Variants in IL1RAPL1 observed in about 807,000 individuals in gnomAD.
IL1RAPL1 encodes the protein interleukin-1 receptor accessory protein-like 1.
Under a neutral mutation model 48.4 loss-of-function variants are expected in IL1RAPL1, and 3 were observed. The observed-to-expected ratio is 0.06, with a 90% CI of 0.03 to 0.16. The LOEUF (loss-of-function observed/expected upper bound fraction) is 0.16, where lower values mean the gene tolerates loss of function less well. Ranked by LOEUF, IL1RAPL1 falls within the 10% of genes least tolerant of loss-of-function variation. The probability of loss-of-function intolerance (pLI) is 1.00; values close to 1 mark genes in which losing one functional copy is unlikely to be tolerated. For missense variants in IL1RAPL1, 349 were observed against 530.6 expected, an observed-to-expected ratio of 0.66 and a Z score of 3.36; for synonymous variants, 185 against 187.7, an observed-to-expected ratio of 0.99 and a Z score of 0.12.
chrX:28,806,948 C>T (rs1404655597), intron 2 of IL1RAPL1, among the ~76,000 whole-genome samples: 2 of 111,142 alleles, frequency 1.8e-5, no homozygotes, highest in African/African-American at 3.3e-5. Context: ...CCTCTCAAAG[C>T]ATGTTCTGAA....
Position 28,597,540 on chromosome X carries a change from T to C in IL1RAPL1, c.-25+9493T>C, listed in dbSNP as rs56688703. The stretch of plus-strand genomic sequence containing the variant: ...GGAGGTCAGGAGTTCGAGACCAGCC[T>C]GACCAGCATGGTGAAACCCCGTCTC... On this transcript the variant is annotated intron_variant, in intron 1 of 10. Transcript: ENST00000378993. 8.1e-3 allele frequency among the ~76,000 whole-genome samples: 900 copies of C among 110,967 alleles called. 8 individuals are homozygous for C. The highest frequency in any genetic ancestry group is 0.032 in the Middle Eastern group (7 of 216).
chrX:29,030,465 C>T (rs1413447045), intron 2 of IL1RAPL1, among the ~76,000 whole-genome samples: 1 of 111,338 alleles, frequency 9.0e-6, no homozygotes, highest in Non-Finnish European at 1.9e-5. Context: ...TTGTTTTACT[C>T]CTTTACCTGT....
intron 2 of IL1RAPL1, among the ~76,000 whole-genome samples, chrX:29,084,753 G>T (rs1180386238): frequency 8.9e-6 from 1 of 112,579 alleles, no homozygotes; most frequent in Non-Finnish European, 1.9e-5. Context: ...GTGCAGTGGT[G>T]CCATCTTGGC....
intron 2 of IL1RAPL1, among the ~76,000 whole-genome samples, chrX:29,172,320 G>A (rs1227688006): frequency 8.9e-6 from 1 of 111,883 alleles, no homozygotes; most frequent in Non-Finnish European, 1.9e-5. Context: ...TTGAACACTA[G>A]TAGCATCACC....
intron 2 of IL1RAPL1, among the ~76,000 whole-genome samples, chrX:28,889,519 A>G (rs1922723361): frequency 8.9e-6 from 1 of 111,895 alleles, no homozygotes; most frequent in Non-Finnish European, 1.9e-5. Context: ...TGGCTGGGCT[A>G]GAAATTAGGA....
At chrX:29,826,731 G>A (rs146757230) in intron 6 of IL1RAPL1, among the ~76,000 whole-genome samples, 1,823 of 111,729 alleles carry the variant, frequency 0.016, 33 homozygotes, top group African/African-American at 0.056. Flanking sequence ...CCTTTTTATG[G>A]ATGACTAATG....
At chrX:28,991,280 AC>A (rs1169610367) in intron 2 of IL1RAPL1, among the ~76,000 whole-genome samples, 1 of 111,927 alleles carries the variant, frequency 8.9e-6, no homozygotes, top group Admixed American at 9.5e-5. Flanking sequence ...ATCACTTAAA[AC>A]ATATGATTGG....
At chrX:28,634,756 T>G (rs1433233550) in intron 1 of IL1RAPL1, among the ~76,000 whole-genome samples, 2 of 111,124 alleles carry the variant, frequency 1.8e-5, no homozygotes, top group Non-Finnish European at 3.8e-5. Flanking sequence ...TTATTCTTTC[T>G]ATTTTTTTTA....
chrX:29,145,086 G>GA (rs1417826112), intron 2 of IL1RAPL1, among the ~76,000 whole-genome samples: 1 of 111,007 alleles, frequency 9.0e-6, no homozygotes, highest in African/African-American at 3.3e-5. Flanking sequence ...ACTTTAGAGA[G>GA]AATGTTGAGA....
intron 2 of IL1RAPL1, among the ~76,000 whole-genome samples, chrX:28,807,635 C>T (rs919408927): frequency 9.0e-6 from 1 of 111,155 alleles, no homozygotes; most frequent in African/African-American, 3.3e-5. Flanking sequence ...TTCTCTGAAA[C>T]TTGGAAATTT....
At chrX:29,212,813 T>C (rs771393343) in intron 2 of IL1RAPL1, among the ~76,000 whole-genome samples, 6 of 112,109 alleles carry the variant, frequency 5.4e-5, no homozygotes, top group Non-Finnish European at 1.1e-4. Flanking sequence ...AAGAGGATCA[T>C]GATATAAGTC....
intron 5 of IL1RAPL1, among the ~76,000 whole-genome samples, chrX:29,557,997 T>C (rs1416194526): frequency 8.9e-6 from 1 of 111,936 alleles, no homozygotes; most frequent in Non-Finnish European, 1.9e-5. Context: ...GTAATGAACA[T>C]GGGAGTGCAG....
At chrX:28,935,538 C>G (rs1172862908) in intron 2 of IL1RAPL1, among the ~76,000 whole-genome samples, 1 of 111,390 alleles carries the variant, frequency 9.0e-6, no homozygotes, top group African/African-American at 3.3e-5. Flanking sequence ...ACTGAGAGAA[C>G]TTTAAATGGT....
intron 2 of IL1RAPL1, among the ~76,000 whole-genome samples, chrX:28,828,134 C>A (rs1937012212): frequency 9.0e-6 from 1 of 111,392 alleles, no homozygotes; most frequent in South Asian, 3.7e-4. Context: ...ATTCATCTTG[C>A]CAATGAGTTC....
At chrX:29,879,491 G>A (rs2147213850) in intron 6 of IL1RAPL1, among the ~76,000 whole-genome samples, 1 of 107,470 alleles carries the variant, frequency 9.3e-6, no homozygotes, top group South Asian at 4.1e-4. Context: ...TAATTTCCCA[G>A]TATGAAAATT....
chrX:29,488,250 G>A (rs1569322200), intron 5 of IL1RAPL1, among the ~76,000 whole-genome samples: 3 of 111,343 alleles, frequency 2.7e-5, no homozygotes, highest in African/African-American at 3.3e-5. Flanking sequence ...CCATCCTGGC[G>A]AACATGGTGA....
chrX:28,706,381 C>T (rs927794057), intron 1 of IL1RAPL1, among the ~76,000 whole-genome samples: 1 of 110,600 alleles, frequency 9.0e-6, no homozygotes, highest in African/African-American at 3.3e-5. Flanking sequence ...TAAGGACATA[C>T]ATTTCTTTTT....
intron 2 of IL1RAPL1, among the ~76,000 whole-genome samples, chrX:29,227,748 A>G (rs1189010376): frequency 1.8e-5 from 2 of 111,967 alleles, no homozygotes; most frequent in Non-Finnish European, 3.8e-5. Flanking sequence ...AGCACTTTGC[A>G]TCTACCACTG....
intron 1 of IL1RAPL1, among the ~76,000 whole-genome samples, chrX:28,656,611 C>T (rs145612418): frequency 2.7e-5 from 3 of 111,785 alleles, no homozygotes; most frequent in Admixed American, 9.5e-5. Flanking sequence ...TTATTTCCTG[C>T]GTGTCCTTCA....
Sources: gnomAD v4.1 joint callset for allele counts (sites outside exome capture counted in the v4.1 genomes callset) on GRCh38, gnomAD v4.1.1 for gene constraint, MANE v1.5 for transcripts, NCBI Gene and HGNC (gene_info 2026-07-23, HGNC 2026-07-21) for gene names.